The following DPYD variants were observed in gnomAD, a reference collection of about 807,000 sequenced individuals.
DPYD encodes dihydropyrimidine dehydrogenase.
In DPYD, 109 loss-of-function variants were observed where a neutral mutation model predicts 116.2. The observed-to-expected ratio is 0.94, with a 90% CI of 0.80 to 1.10. The LOEUF is 1.10. Among genes scored for constraint, DPYD ranks in the 50% least tolerant of loss-of-function variants. DPYD has a pLI of 0.00. For synonymous variants in DPYD, 440 were observed against 432.0 expected (o/e 1.02, Z -0.23); for missense variants, 1,302 against 1,254.5 (o/e 1.04, Z -0.57).
chr1:97,555,683 C>T (rs1397409401), intron 11 of DPYD, among the ~76,000 whole-genome samples: 2 of 152,186 alleles, frequency 1.3e-5, no homozygotes, highest in East Asian at 1.9e-4. Context: ...CTTTTCTTCC[C>T]ATCAGCAAAA....
At position 97,287,240 on chromosome 1, in the gene DPYD, G is replaced by C. The variant is rs1444595038; in HGVS notation, c.2299+18019C>G. On this transcript the variant is annotated intron_variant, in intron 18 of 22. Coordinates refer to ENST00000370192, the MANE Select transcript of DPYD (RefSeq NM_000110.4). The stretch of plus-strand genomic sequence containing the variant: ...TCAGCAGCGGTGGCCGCAGAACAGC[G>C]GATTTTCATGAACCACGAATGCTGC... Among the ~76,000 whole-genome samples, 4 of 152,206 alleles carry C rather than the reference G, an allele frequency of 2.6e-5. No individual in the cohort carries two copies. The East Asian group carries it at 5.8e-4, about 22-fold the overall frequency.
intron 8 of DPYD, among the ~76,000 whole-genome samples, chr1:97,598,902 G>A (rs892106049): frequency 5.3e-5 from 8 of 152,200 alleles, no homozygotes; most frequent in Admixed American, 6.5e-5. Flanking sequence ...GACACTGGTT[G>A]TAGAGTCTAT....
At chr1:97,775,788 C>G (rs1287991583) in intron 3 of DPYD, among the ~76,000 whole-genome samples, 1 of 152,118 alleles carries the variant, frequency 6.6e-6, no homozygotes, top group Non-Finnish European at 1.5e-5. Flanking sequence ...GATACCATAG[C>G]TAGAATGCAA....
rs55713521 is a variant in DPYD, at chr1:97,549,819, G to T, written c.1340-75C>A. ...TCCATAACAATAATTTTAAAATTAA[G>T]AAAAATTATGGTTTAATTATTGTTC... On this transcript the variant is annotated intron_variant, in intron 11 of 22. Transcript: ENST00000370192. 20 of 1,294,946 alleles carry T rather than the reference G, an allele frequency of 1.5e-5. No individual in the cohort carries two copies. The South Asian group carries it at 1.9e-4, about 12-fold the overall frequency. The allele number at this position is 1,294,946 out of a possible 1,614,324, so 80.2% of individuals were successfully genotyped here.
At chr1:97,244,377 A>C (rs1257036756) in intron 18 of DPYD, among the ~76,000 whole-genome samples, 1 of 152,044 alleles carries the variant, frequency 6.6e-6, no homozygotes, top group Non-Finnish European at 1.5e-5. Context: ...TTATGTTTAA[A>C]CAATTACCCG....
At chr1:97,215,786 T>C (rs1333727) in intron 19 of DPYD, among the ~76,000 whole-genome samples, 60,620 of 151,902 alleles carry the variant, frequency 0.4, 12,832 homozygotes, top group East Asian at 0.54. Context: ...CGCTAAAATA[T>C]AAACGTTCCC....
intron 19 of DPYD, among the ~76,000 whole-genome samples, chr1:97,219,905 A>G (rs942529039): frequency 6.6e-6 from 1 of 152,078 alleles, no homozygotes. Context: ...TTCATTTCCT[A>G]TCATTCTCAC....
intron 7 of DPYD, chr1:97,691,120 CAGAAA>C (rs909324260): frequency 6.6e-6 from 1 of 152,272 alleles, no homozygotes; most frequent in African/African-American, 2.4e-5. Context: ...ATGCTCTTAA[CAGAAA>C]AGAAGAGGAA....
chr1:97,616,142 A>AT (rs376473393), intron 8 of DPYD, among the ~76,000 whole-genome samples: 2,343 of 135,708 alleles, frequency 0.017, 29 homozygotes, highest in Non-Finnish European at 0.026. Context: ...CTAATAAATG[A>AT]TTTTTTTTTT....
chr1:97,219,315 C>CA (rs1412109998), intron 19 of DPYD, among the ~76,000 whole-genome samples: 3 of 152,104 alleles, frequency 2.0e-5, no homozygotes, highest in African/African-American at 7.2e-5. Flanking sequence ...AATAGAGTGG[C>CA]AAAATCTATT....
intron 16 of DPYD, among the ~76,000 whole-genome samples, chr1:97,314,254 C>T (rs1355489877): frequency 3.3e-5 from 5 of 151,824 alleles, no homozygotes; most frequent in Admixed American, 2.6e-4. Flanking sequence ...CTGACCCTGA[C>T]CCTGCCTCAA....
At chr1:97,868,944 A>C (rs371218129) in intron 2 of DPYD, among the ~76,000 whole-genome samples, 1 of 151,892 alleles carries the variant, frequency 6.6e-6, no homozygotes, top group South Asian at 2.1e-4. Flanking sequence ...GTATCTCACA[A>C]AACACAAAGT....
At chr1:97,903,013 G>A (rs918820864) in intron 1 of DPYD, among the ~76,000 whole-genome samples, 15 of 151,748 alleles carry the variant, frequency 9.9e-5, no homozygotes, top group Non-Finnish European at 7.4e-5. Context: ...ATATTGCATC[G>A]TAATTAAGGT....
intron 19 of DPYD, among the ~76,000 whole-genome samples, chr1:97,202,471 C>CAGACTG (rs1659276030): frequency 6.6e-6 from 1 of 152,136 alleles, no homozygotes; most frequent in Admixed American, 6.6e-5. Flanking sequence ...CAGCTAAAGA[C>CAGACTG]AGACTGAAGA....
intron 12 of DPYD, among the ~76,000 whole-genome samples, chr1:97,531,270 AT>A: frequency 6.6e-6 from 1 of 152,176 alleles, no homozygotes; most frequent in Non-Finnish European, 1.5e-5. Context: ...TTAGTCTTTA[AT>A]TAATTGTGAG....
At chr1:97,700,145 G>C in intron 5 of DPYD, 1 of 442,826 alleles carries the variant, frequency 2.3e-6, no homozygotes, top group South Asian at 1.6e-5. Context: ...ACAAAGTTAA[G>C]TGACCAGAAG....
intron 3 of DPYD, among the ~76,000 whole-genome samples, chr1:97,751,448 GTGTGTGTGTGTGTATATATATATA>G (rs1446698865): frequency 2.6e-3 from 79 of 30,460 alleles, no homozygotes; most frequent in South Asian, 0.012. Context: ...GTGTGTGTGT[GTGTGTGTGTGTGTATATATATATA>G]TATATATATA....
At position 97,432,549 on chromosome 1, in the gene DPYD, G is replaced by A. The variant is rs183475969; in HGVS notation, c.1905+17510C>T. Among the ~76,000 whole-genome samples the A allele has an allele frequency of 8.0e-5, 12 of 149,828 alleles. 1 individual carries two copies. Among genetic ancestry groups the A allele is most frequent in the Admixed American group, 7.3e-4 (11 of 15,016 alleles). On this transcript the variant is annotated intron_variant, in intron 14 of 22. Coordinates refer to ENST00000370192, the MANE Select transcript of DPYD (RefSeq NM_000110.4). The stretch of plus-strand genomic sequence containing the variant: ...TCCACATTTATCATGGTTATTTTAC[G>A]TCTCTATCTGATAATTCCAATTCTA...
chr1:97,792,172 G>C (rs903237177), intron 3 of DPYD, among the ~76,000 whole-genome samples: 5 of 152,138 alleles, frequency 3.3e-5, no homozygotes, highest in African/African-American at 1.2e-4. Context: ...GGACAGTGCA[G>C]TAAGAAGACC....
Sources: allele counts gnomAD v4.1 joint callset (sites outside exome capture counted in the v4.1 genomes callset), GRCh38; gene constraint gnomAD v4.1.1; transcripts MANE v1.5; gene names NCBI Gene and HGNC (gene_info 2026-07-23, HGNC 2026-07-21).